CABIN1: variants seen among roughly 807,000 people sequenced by gnomAD.
CABIN1 encodes calcineurin-binding protein cabin-1.
CABIN1 carries 133 observed loss-of-function variants against 227.7 expected under a neutral mutation model. The observed-to-expected ratio is 0.58, with a 90% CI of 0.51 to 0.67. The LOEUF (loss-of-function observed/expected upper bound fraction) is 0.67, where lower values mean the gene tolerates loss of function less well. CABIN1 is among the 30% of genes least tolerant of loss of function. The probability of loss-of-function intolerance (pLI) is 0.00; values close to 1 mark genes in which losing one functional copy is unlikely to be tolerated. For synonymous variants in CABIN1, 1,086 were observed against 1,155.1 expected (o/e 0.94, Z 1.21); for missense variants, 2,408 against 2,852.5 (o/e 0.84, Z 3.55).
intron 29 of CABIN1, among the ~76,000 whole-genome samples, chr22:24,148,591 T>A (rs573027490): frequency 6.6e-6 from 1 of 152,380 alleles, no homozygotes; most frequent in East Asian, 1.9e-4. Context: ...CAGAATTTAG[T>A]CCTGCTGTGA....
intron 18 of CABIN1, 74 bp downstream of exon 18, chr22:24,072,584 C>T: frequency 6.4e-7 from 1 of 1,568,086 alleles, no homozygotes; most frequent in South Asian, 1.1e-5. Context: ...GCCCTAGGGT[C>T]CTGGACCTTA....
At chr22:24,080,452 A>G (rs1025180185) in intron 19 of CABIN1, among the ~76,000 whole-genome samples, 5 of 152,244 alleles carry the variant, frequency 3.3e-5, no homozygotes, top group Admixed American at 1.3e-4. Flanking sequence ...TTTGATTGGA[A>G]TAACATTGAC....
At chr22:24,125,728 A>T (rs2043682414) in intron 28 of CABIN1, among the ~76,000 whole-genome samples, 1 of 152,254 alleles carries the variant, frequency 6.6e-6, no homozygotes, top group South Asian at 2.1e-4. Context: ...TGTGCCCTGC[A>T]TCCTCACATG....
At chr22:24,051,073 T>G in intron 8 of CABIN1, 99 bp downstream of exon 8, 1 of 1,511,570 alleles carries the variant, frequency 6.6e-7, no homozygotes, top group South Asian at 1.2e-5. Flanking sequence ...GGCTTGATCC[T>G]GGGTTGGTGG....
intron 35 of CABIN1, 146 bp downstream of exon 35, chr22:24,176,421 C>T (rs899709544): frequency 1.1e-5 from 10 of 929,038 alleles, no homozygotes; most frequent in African/African-American, 9.8e-5. Flanking sequence ...GGGGGTAGTG[C>T]AGGCTGGACA....
intron 6 of CABIN1, among the ~76,000 whole-genome samples, chr22:24,045,026 T>C (rs2037739362): frequency 6.6e-6 from 1 of 151,862 alleles, no homozygotes; most frequent in Non-Finnish European, 1.5e-5. Flanking sequence ...TTCATGCCAT[T>C]CTCCCGCCTC....
chr22:24,101,217 T>C (rs1237908259), intron 26 of CABIN1, among the ~76,000 whole-genome samples: 12 of 152,224 alleles, frequency 7.9e-5, no homozygotes, highest in Admixed American at 7.9e-4. Flanking sequence ...CCTTCCCACA[T>C]TGGTATGCCT....
chr22:24,123,043 A>C (rs538788441), intron 28 of CABIN1, among the ~76,000 whole-genome samples: 17 of 152,086 alleles, frequency 1.1e-4, no homozygotes, highest in South Asian at 2.1e-4. Flanking sequence ...GTCCACACTC[A>C]TAGTTTGCCA....
Position 24,038,419 on chromosome 22 carries a change from C to G in CABIN1, c.168C>G (p.Ala56=), listed in dbSNP as rs1297422943. Residue 56 remains alanine (A), a synonymous_variant, in exon 4 of 37, where the codon GCC becomes GCG. Transcript: ENST00000263119. ...AACATGACCGGTTTGAGGAGTCTGC[C>G]AAAGCCTACCATGAGCTCTTGGAGG... ...LQKHDRFEES[A]KAYHELLEAS... 5 of 1,614,054 alleles carry G rather than the reference C, an allele frequency of 3.1e-6. No homozygotes were observed. The highest frequency in any genetic ancestry group is 3.3e-4 in the Middle Eastern group (2 of 6,024).
At chr22:24,081,069 T>C (rs1020724834) in intron 19 of CABIN1, among the ~76,000 whole-genome samples, 10 of 152,370 alleles carry the variant, frequency 6.6e-5, no homozygotes, top group African/African-American at 2.2e-4. Flanking sequence ...GTCGTAGATA[T>C]TATTTAAATC....
At chr22:24,112,558 T>C (rs1027762222) in intron 26 of CABIN1, among the ~76,000 whole-genome samples, 3 of 152,164 alleles carry the variant, frequency 2.0e-5, no homozygotes, top group African/African-American at 7.2e-5. Context: ...ACTCCCTTGC[T>C]TGTTACTCAG....
At chr22:24,059,703 C>CCTTAGATA (rs2039051090) in intron 11 of CABIN1, among the ~76,000 whole-genome samples, 1 of 152,148 alleles carries the variant, frequency 6.6e-6, no homozygotes, top group African/African-American at 2.4e-5. Flanking sequence ...TTGATGTCCA[C>CCTTAGATA]CTTAGATACG....
At chr22:24,105,814 C>T (rs1369709171) in intron 26 of CABIN1, among the ~76,000 whole-genome samples, 2 of 152,366 alleles carry the variant, frequency 1.3e-5, no homozygotes, top group East Asian at 1.9e-4. Flanking sequence ...TTCCATCTGG[C>T]CTTGCTCTAT....
intron 29 of CABIN1, chr22:24,155,718 G>C (rs941763611): frequency 6.5e-6 from 2 of 306,948 alleles, no homozygotes; most frequent in African/African-American, 4.4e-5. Context: ...ACCGCCTGCA[G>C]AGGGGGGATA....
intron 26 of CABIN1, among the ~76,000 whole-genome samples, chr22:24,100,740 G>T (rs2042156257): frequency 6.6e-6 from 1 of 152,188 alleles, no homozygotes; most frequent in South Asian, 2.1e-4. Flanking sequence ...AGCAGGCCCT[G>T]GTCAAAGGAT....
chr22:24,097,925 C>A (rs2041988981), intron 25 of CABIN1, 89 bp from the exon 26 acceptor site: 3 of 1,554,012 alleles, frequency 1.9e-6, no homozygotes, highest in Non-Finnish European at 2.7e-6. Context: ...GCAGTGGGCC[C>A]TGGGAAGGGC....
At position 24,084,605 on chromosome 22, in the gene CABIN1, G is replaced by A; in HGVS notation, c.2937G>A (p.Leu979=). Residue 979 remains leucine (L), a synonymous_variant, in exon 21 of 37, where the codon CTG becomes CTA. Transcript: ENST00000263119. ...TGGATCTTATATGGGAGGATGCACT[G>A]TTCATGTTTGAGTATTTTAAGCCCA... is the stretch of plus-strand genomic sequence containing the variant. ...QQVDLIWEDA[L]FMFEYFKPKT... The A allele has an allele frequency of 6.2e-7, 1 of 1,614,014 alleles. No homozygotes were observed.
intron 29 of CABIN1, among the ~76,000 whole-genome samples, chr22:24,162,716 C>G (rs542441640): frequency 4.6e-5 from 7 of 152,224 alleles, no homozygotes; most frequent in Non-Finnish European, 1.0e-4. Flanking sequence ...GTCTATGGTT[C>G]CCTTCTGATT....
intron 31 of CABIN1, among the ~76,000 whole-genome samples, chr22:24,166,265 C>T (rs1001610460): frequency 6.6e-6 from 1 of 152,218 alleles, no homozygotes; most frequent in Non-Finnish European, 1.5e-5. Context: ...CAGGTCCCCT[C>T]CCATAAAATG....
Sources: gnomAD v4.1 joint callset for allele counts (sites outside exome capture counted in the v4.1 genomes callset) on GRCh38, gnomAD v4.1.1 for gene constraint, MANE v1.5 for transcripts, NCBI Gene and HGNC (gene_info 2026-07-23, HGNC 2026-07-21) for gene names.